METTL14: variants seen among roughly 807,000 people sequenced by gnomAD.
METTL14 encodes the protein N(6)-adenosine-methyltransferase non-catalytic subunit METTL14.
METTL14 carries 32 observed loss-of-function variants against 62.4 expected under a neutral mutation model. The ratio of observed to expected loss-of-function variants is 0.51; its 90% CI spans 0.39 to 0.69. METTL14 has a LOEUF of 0.69. METTL14 is among the 30% of genes least tolerant of loss of function. The pLI, the probability that METTL14 is intolerant of heterozygous loss-of-function variation, is 0.00. For missense variants in METTL14, 340 were observed against 551.9 expected (o/e 0.62, Z 3.85); for synonymous variants, 150 against 180.0 (o/e 0.83, Z 1.34).
At position 118,697,219 on chromosome 4, in the gene METTL14, G is replaced by A. The variant is rs1219860407; in HGVS notation, c.541G>A (p.Glu181Lys). 1 of 1,611,698 alleles carries A rather than the reference G, an allele frequency of 6.2e-7. No homozygotes were observed. Among genetic ancestry groups the A allele is most frequent in the Non-Finnish European group, 8.5e-7 (1 of 1,178,918 alleles). Reference sequence around the variant, plus strand: ...CGATATAGAAGCCTTTGACATCAGAGAACTAACACCCAAATTTGATGTGAT... The same window carrying A: ...CGATATAGAAGCCTTTGACATCAGAAAACTAACACCCAAATTTGATGTGAT... ...QADIEAFDIR[E>K]LTPKFDVILL... The change falls in exon 7 of 11, where the codon GAA (glutamate) becomes AAA (lysine). Residue 181 changes from glutamate to lysine, a missense_variant. By Grantham distance (56) the Glu-to-Lys change is moderately conservative. This residue lies in a region of METTL14 where 41 missense variants were observed against 44.0 expected (regional missense o/e 0.93). Transcript: ENST00000388822.
chr4:118,699,836 AC>A lies in METTL14; in HGVS notation c.646-713del, dbSNP rs1489154151. 3.3e-5 allele frequency among the ~76,000 whole-genome samples: 5 copies of A among 152,278 alleles called. No homozygotes were observed. In the East Asian group the frequency reaches 9.6e-4, roughly 29 times the overall value. ...TGGCCCCAGAGCCCTAAGTTCTTTA[AC>A]TTTTATGAGATACCGTCCTGAAGGA... On this transcript the variant is annotated intron_variant, in intron 7 of 10. Coordinates refer to ENST00000388822, the MANE Select transcript of METTL14 (RefSeq NM_020961.4).
intron 3 of METTL14, 101 bp downstream of exon 3, chr4:118,689,558 G>T: frequency 1.7e-6 from 1 of 603,584 alleles, no homozygotes; most frequent in South Asian, 2.4e-5. Context: ...CTAATTTTAA[G>T]ATGTGCTAAA....
intron 4 of METTL14, 62 bp from the exon 5 acceptor site, chr4:118,691,919 C>A: frequency 9.5e-7 from 1 of 1,050,134 alleles, no homozygotes; most frequent in Non-Finnish European, 1.5e-6. Context: ...GAAAACAGTA[C>A]AGAGATAATT....
intron 8 of METTL14, among the ~76,000 whole-genome samples, chr4:118,702,612 C>A (rs914982100): frequency 6.6e-6 from 1 of 151,968 alleles, no homozygotes; most frequent in African/African-American, 2.4e-5. Context: ...CCCATCTCTA[C>A]TAAAAATACA....
chr4:118,695,971 G>A (rs559851157), intron 6 of METTL14, among the ~76,000 whole-genome samples: 2 of 151,658 alleles, frequency 1.3e-5, no homozygotes, highest in South Asian at 2.1e-4. Context: ...TTAGCTGGGT[G>A]TGGTGGCGCA....
chr4:118,695,675 A>T (rs1724387286), intron 6 of METTL14, among the ~76,000 whole-genome samples: 1 of 152,218 alleles, frequency 6.6e-6, no homozygotes, highest in African/African-American at 2.4e-5. Context: ...TAGCATTCTG[A>T]GATACTATTC....
At chr4:118,687,833 T>C (rs1724118415) in intron 1 of METTL14, 90 bp from the exon 2 acceptor site, 6 of 954,078 alleles carry the variant, frequency 6.3e-6, no homozygotes, top group Non-Finnish European at 9.7e-6. Context: ...TTTTGTTTTT[T>C]AAGTATTTAA....
chr4:118,700,771 G>GA (rs953265800), intron 8 of METTL14, 129 bp downstream of exon 8: 5,111 of 530,162 alleles, frequency 9.6e-3, no homozygotes, highest in South Asian at 0.011. Context: ...AAAATAGTGA[G>GA]AAAAAAAAAA....
chr4:118,689,712 G>A (rs540636551), intron 3 of METTL14, among the ~76,000 whole-genome samples: 11 of 148,362 alleles, frequency 7.4e-5, no homozygotes, highest in Middle Eastern at 3.5e-3. Flanking sequence ...GCACAATCTC[G>A]GCTCACTGCA....
At chr4:118,688,369 G>A (rs528509768) in intron 2 of METTL14, among the ~76,000 whole-genome samples, 3 of 151,830 alleles carry the variant, frequency 2.0e-5, no homozygotes, top group African/African-American at 4.8e-5. Flanking sequence ...ACCGGGAGGC[G>A]GAGATTGTAG....
chr4:118,699,398 G>A (rs1333119966), intron 7 of METTL14, among the ~76,000 whole-genome samples: 1 of 152,200 alleles, frequency 6.6e-6, no homozygotes, highest in African/African-American at 2.4e-5. Flanking sequence ...TGCACAGAAT[G>A]TGGTATTTCT....
chr4:118,686,590 G>A lies in METTL14; in HGVS notation c.66+990G>A, dbSNP rs1334403682. 1.3e-5 allele frequency: 6 copies of A among 456,212 alleles called. No homozygotes were observed. In the East Asian group the frequency reaches 2.1e-4, roughly 16 times the overall value. The allele number at this position is 456,212 out of a possible 1,614,324, so 28.3% of individuals were successfully genotyped here. On this transcript the variant is annotated intron_variant, in intron 1 of 10. Transcript: ENST00000388822. ...CTAAAACCGTGGAAACTTGGAGTCA[G>A]ATTTGTTCCTTTGTTCCTTATCCCG...
intron 8 of METTL14, 145 bp downstream of exon 8, chr4:118,700,787 A>G: frequency 1.8e-6 from 1 of 565,016 alleles, no homozygotes; most frequent in Non-Finnish European, 3.0e-6. Context: ...AAAAATGTCC[A>G]GAAAAGAACG....
chr4:118,695,013 G>A (rs970611568), intron 6 of METTL14, among the ~76,000 whole-genome samples: 1 of 134,030 alleles, frequency 7.5e-6, no homozygotes, highest in African/African-American at 2.5e-5. Flanking sequence ...TGTATTTTTA[G>A]TAGAGACGGG....
chr4:118,694,392 C>A, intron 5 of METTL14, 44 bp from the exon 6 acceptor site: 1 of 1,501,690 alleles, frequency 6.7e-7, no homozygotes. Flanking sequence ...CTGATATTAA[C>A]TTCAGTTGAG....
chr4:118,686,094 CT>C (rs1343795959), intron 1 of METTL14, among the ~76,000 whole-genome samples: 5 of 152,186 alleles, frequency 3.3e-5, no homozygotes, highest in Non-Finnish European at 7.4e-5. Flanking sequence ...ATAGAGTATC[CT>C]TGTCACATCC....
At chr4:118,695,459 G>A (rs942090824) in intron 6 of METTL14, among the ~76,000 whole-genome samples, 2 of 152,068 alleles carry the variant, frequency 1.3e-5, no homozygotes, top group Non-Finnish European at 2.9e-5. Context: ...TGAGGCAGTA[G>A]AATCGTTTGA....
intron 1 of METTL14, among the ~76,000 whole-genome samples, chr4:118,687,392 G>A (rs575333396): frequency 2.0e-5 from 3 of 152,082 alleles, no homozygotes; most frequent in Non-Finnish European, 2.9e-5. Flanking sequence ...ATATTAAATC[G>A]TGTGTATTGC....
rs1313371348 is a variant in METTL14, at chr4:118,705,772, TG to T, written c.1019del (p.Gly340ValfsTer46). ...TTCATATAATTGAGCATTTTTGTCT[TG>T]GTAGAAGACGCCTTCATCTATTTGG... ...IFHIIEHFCL[G>X]RRRLHLFGRD... On this transcript the variant is annotated frameshift_variant, in exon 10 of 11. Transcript: ENST00000388822. LOFTEE classifies it high-confidence loss of function. 1 of 1,614,188 alleles carries T rather than the reference TG, an allele frequency of 6.2e-7. No individual in the cohort carries two copies. The highest frequency in any genetic ancestry group is 1.7e-5 in the Admixed American group (1 of 60,030).
Sources: allele counts gnomAD v4.1 joint callset (sites outside exome capture counted in the v4.1 genomes callset), GRCh38; gene constraint gnomAD v4.1.1; regional missense constraint gnomAD v4.1.1; transcripts MANE v1.5; gene names NCBI Gene and HGNC (gene_info 2026-07-23, HGNC 2026-07-21).